MAP4: variants seen among roughly 807,000 people sequenced by gnomAD.
MAP4 encodes the protein microtubule-associated protein 4.
A neutral mutation model predicts 170.2 loss-of-function variants in MAP4; 76 were observed. The observed-to-expected ratio is 0.45, with a 90% CI of 0.37 to 0.54. The LOEUF is 0.54. MAP4 is among the 20% of genes least tolerant of loss of function. The pLI, the probability that MAP4 is intolerant of heterozygous loss-of-function variation, is 0.00. For synonymous variants in MAP4, 909 were observed against 994.5 expected (o/e 0.91, Z 1.62); for missense variants, 2,506 against 2,748.0 (o/e 0.91, Z 1.97).
chr3:48,088,375 C>A (rs1365020183), intron 1 of MAP4, among the ~76,000 whole-genome samples: 2 of 152,132 alleles, frequency 1.3e-5, no homozygotes, highest in Non-Finnish European at 2.9e-5. Flanking sequence ...CCCCACAAAG[C>A]CTCAGAAAAC....
chr3:48,049,446 CCT>C (rs2100126367), intron 1 of MAP4, among the ~76,000 whole-genome samples: 4 of 110,420 alleles, frequency 3.6e-5, no homozygotes, highest in Non-Finnish European at 4.2e-5. Context: ...ATAACCGTAC[CCT>C]GTCTCTACAA....
rs369429056 is a variant in MAP4 at position 47,921,938 on chromosome 3, T to C, written c.416-60A>G. The C allele has an allele frequency of 1.3e-5, 10 of 784,564 alleles. 1 individual carries two copies. In the Admixed American group the frequency reaches 1.4e-4, roughly 11 times the overall value. The allele number at this position is 784,564 out of a possible 1,614,324, so 48.6% of individuals were successfully genotyped here. ...GTGAATGCAACTAGAAAGATTAATA[T>C]TTCTTTCTTTCTTTCTTTTTTTTTT... On this transcript the variant is annotated intron_variant, in intron 4 of 20. Transcript: ENST00000683076.
Position 47,910,233 on chromosome 3 carries a change from G to A in MAP4, c.4188C>T (p.Thr1396=), listed in dbSNP as rs774443375. Residue 1396 remains threonine (T), a synonymous_variant, in exon 9 of 21, where the codon ACC becomes ACT. Transcript: ENST00000683076. The part of the protein sequence containing the change: ...DATKIHVPME[T]TGDQGIEGMA... ...TTCCTTCAATTCCCTGGTCCCCTGT[G>A]GTTTCCATGGGAACATGTATTTTTG... The A allele has an allele frequency of 4.3e-6, 7 of 1,610,442 alleles. No individual in the cohort carries two copies. The South Asian group carries it at 7.7e-5, about 18-fold the overall frequency.
At chr3:48,069,021 G>C (rs1011512084) in intron 1 of MAP4, among the ~76,000 whole-genome samples, 2 of 152,116 alleles carry the variant, frequency 1.3e-5, no homozygotes, top group Non-Finnish European at 2.9e-5. Context: ...ATAAATATCC[G>C]TGGTATTAAA....
intron 7 of MAP4, among the ~76,000 whole-genome samples, chr3:47,915,559 T>C (rs552691900): frequency 1.1e-4 from 16 of 152,166 alleles, no homozygotes; most frequent in Admixed American, 7.2e-4. Flanking sequence ...AAAGAGGAGA[T>C]GGAATCTAGG....
intron 17 of MAP4, among the ~76,000 whole-genome samples, chr3:47,861,772 T>C (rs1026635446): frequency 1.3e-5 from 2 of 151,940 alleles, no homozygotes; most frequent in African/African-American, 4.8e-5. Flanking sequence ...GGCAGGAGAA[T>C]TGATTGAGCC....
chr3:48,042,914 T>C (rs2100122413), intron 1 of MAP4, among the ~76,000 whole-genome samples: 1 of 152,140 alleles, frequency 6.6e-6, no homozygotes, highest in Admixed American at 6.6e-5. Flanking sequence ...GTATATAAAA[T>C]ATCCAGAGTA....
At chr3:47,861,398 G>T (rs1451168397) in intron 17 of MAP4, among the ~76,000 whole-genome samples, 1 of 150,378 alleles carries the variant, frequency 6.6e-6, no homozygotes, top group Non-Finnish European at 1.5e-5. Context: ...TTGTCGCCAG[G>T]CTGGAGTCCA....
At position 47,890,999 on chromosome 3, in the gene MAP4, A is replaced by C. The variant is rs1025078492; in HGVS notation, c.5434+11951T>G. 4 of 1,451,514 alleles carry C rather than the reference A, an allele frequency of 2.8e-6. No individual in the cohort carries two copies. The African/African-American group carries it at 5.7e-5, about 21-fold the overall frequency. 89.9% of individuals were successfully genotyped at this position (1,451,514 alleles called of 1,614,324 possible). A position where few individuals can be genotyped will look rare whatever the true frequency, so the allele number is the denominator to read the frequency against. ...CTTCCTTGCTGTCTGCTTGTTCCCA[A>C]TGGAGGCAAAATTTAGAAACATACC... On this transcript the variant is annotated intron_variant, in intron 10 of 20. Coordinates refer to ENST00000683076, the MANE Select transcript of MAP4 (RefSeq NM_001385682.1).
intron 1 of MAP4, among the ~76,000 whole-genome samples, chr3:48,065,025 G>A (rs2100137684): frequency 6.6e-6 from 1 of 152,158 alleles, no homozygotes; most frequent in South Asian, 2.1e-4. Flanking sequence ...ATCTACTGTG[G>A]AGGCTGAGGC....
chr3:47,910,485 A>G lies in MAP4; in HGVS notation c.3936T>C (p.Ser1312=). The stretch of plus-strand genomic sequence containing the variant: ...CCTTGGCAGGTGGTTCAGTAACAGT[A>G]GAAGCCTTGACTGTGCTTATCTTGT... ...GENKISTVKA[S]TVTEPPAKVT... Residue 1312 remains serine, a synonymous_variant, in exon 9 of 21, where the codon TCT becomes TCC. Transcript: ENST00000683076. 5 of 1,536,106 alleles carry G rather than the reference A, an allele frequency of 3.3e-6. No homozygotes were observed. In the South Asian group the frequency reaches 5.9e-5, roughly 18 times the overall value.
At chr3:48,070,668 T>C (rs1175078747) in intron 1 of MAP4, among the ~76,000 whole-genome samples, 2 of 151,080 alleles carry the variant, frequency 1.3e-5, no homozygotes, top group Admixed American at 6.6e-5. Flanking sequence ...GACCCACCAA[T>C]ACATTCTTTT....
chr3:47,871,436 T>TA (rs1366501334), intron 13 of MAP4, 150 bp from the exon 14 acceptor site: 28 of 702,338 alleles, frequency 4.0e-5, no homozygotes, highest in Non-Finnish European at 7.0e-5. Flanking sequence ...AGTGGTAAAT[T>TA]AGATGGTCAG....
chr3:48,087,179 C>T (rs916559033), intron 1 of MAP4, among the ~76,000 whole-genome samples: 1 of 152,150 alleles, frequency 6.6e-6, no homozygotes, highest in African/African-American at 2.4e-5. Flanking sequence ...CAGCAAACTA[C>T]GTTAATTTAA....
rs759831237 is a variant in MAP4 at position 47,912,298 on chromosome 3, G to A, written c.2123C>T (p.Pro708Leu). The change falls in exon 9 of 21, where the codon CCA becomes CTA. Residue 708 changes from proline to leucine, a missense_variant. By Grantham distance (98) the Pro-to-Leu change is moderately conservative. Transcript: ENST00000683076. ...VPPELLGGSP[P>L]WKTLDHRLGH... Reference sequence around the variant, plus strand: ...CAGCCTGTGATCAAGAGTCTTCCATGGAGGAGAGCCTCCCAGCAGCTCAGG... The same window carrying A: ...CAGCCTGTGATCAAGAGTCTTCCATAGAGGAGAGCCTCCCAGCAGCTCAGG... 6.5e-7 allele frequency: 1 copy of A among 1,536,176 alleles called. No homozygotes were observed. The highest frequency in any genetic ancestry group is 1.2e-5 in the South Asian group (1 of 84,066).
intron 9 of MAP4, 65 bp from the exon 10 acceptor site, chr3:47,903,065 T>A: frequency 1.6e-6 from 1 of 618,024 alleles, no homozygotes; most frequent in South Asian, 7.1e-5. Flanking sequence ...AGGGAGGGCC[T>A]ATTTACAGGG....
intron 1 of MAP4, among the ~76,000 whole-genome samples, chr3:48,004,575 G>C (rs1278889835): frequency 6.6e-6 from 1 of 152,190 alleles, no homozygotes; most frequent in African/African-American, 2.4e-5. Context: ...CTCCTGTTGA[G>C]AAAGAGCTGA....
At chr3:48,062,141 T>C (rs2100135923) in intron 1 of MAP4, among the ~76,000 whole-genome samples, 1 of 152,112 alleles carries the variant, frequency 6.6e-6, no homozygotes, top group African/African-American at 2.4e-5. Context: ...GACTCCATTT[T>C]GTTCTGTACT....
upstream of MAP4, among the ~76,000 whole-genome samples, chr3:48,019,941 A>T (rs992086563): frequency 6.6e-6 from 1 of 152,258 alleles, no homozygotes; most frequent in African/African-American, 2.4e-5. Flanking sequence ...ACTCTATTTT[A>T]TATCAGTGAA....
Sources: allele counts gnomAD v4.1 joint callset (sites outside exome capture counted in the v4.1 genomes callset), GRCh38; gene constraint gnomAD v4.1.1; transcripts MANE v1.5; gene names NCBI Gene and HGNC (gene_info 2026-07-23, HGNC 2026-07-21).